Variants in UGT2A1 observed in about 807,000 individuals in gnomAD.
The protein encoded by UGT2A1 is UDP-glucuronosyltransferase 2A1.
Under a neutral mutation model 45.4 loss-of-function variants are expected in UGT2A1, and 61 were observed. The ratio of observed to expected loss-of-function variants is 1.34; its 90% CI spans 1.09 to 1.66. The LOEUF is 1.66. UGT2A1 is among the 40% of genes most tolerant of loss of function. The pLI, the probability that UGT2A1 is intolerant of heterozygous loss-of-function variation, is 0.00. For missense variants in UGT2A1, 649 were observed against 574.3 expected (o/e 1.13, Z -1.33); for synonymous variants, 229 against 196.2 (o/e 1.17, Z -1.40).
intron 4 of UGT2A1, among the ~76,000 whole-genome samples, chr4:69,599,009 A>G (rs971654303): frequency 3.9e-5 from 6 of 152,098 alleles, no homozygotes; most frequent in Non-Finnish European, 7.4e-5. Context: ...AGGTGTAGAC[A>G]CACTGATATT....
In UGT2A1 at chr4:69,599,694, AAAGAGAGAGAGAGAGG is replaced by A. The variant is rs1361802865; in HGVS notation, c.848-316_848-301del. The A allele has an allele frequency of 2.5e-4, 51 of 200,538 alleles. No individual in the cohort carries two copies. In the East Asian group the frequency reaches 4.5e-3, roughly 18 times the overall value. The allele number at this position is 200,538 out of a possible 1,614,324, so 12.4% of individuals were successfully genotyped here. On this transcript the variant is annotated intron_variant, in intron 3 of 6. Transcript: ENST00000286604. Reference sequence around the variant, plus strand: ...AGGGAAGAAAGAGGTAGAAATAAAGAAAGAGAGAGAGAGAGGAAGAGAGAGAGATGGAGAAAAGGAG... The same window carrying A: ...AGGGAAGAAAGAGGTAGAAATAAAGAAAGAGAGAGAGATGGAGAAAAGGAG...
intron 1 of UGT2A1, among the ~76,000 whole-genome samples, chr4:69,652,297 T>C (rs1199089930): frequency 6.6e-6 from 1 of 151,164 alleles, no homozygotes; most frequent in African/African-American, 2.4e-5. Context: ...TTTTTTTTTT[T>C]TTTGAGACCA....
At chr4:69,607,969 G>C (rs1455419072) in intron 3 of UGT2A1, among the ~76,000 whole-genome samples, 2 of 152,320 alleles carry the variant, frequency 1.3e-5, no homozygotes, top group Admixed American at 1.3e-4. Flanking sequence ...TACACTGTTG[G>C]TGGGACTGTA....
chr4:69,622,289 A>G (rs1453863434), intron 3 of UGT2A1, among the ~76,000 whole-genome samples: 1 of 151,878 alleles, frequency 6.6e-6, no homozygotes, highest in Non-Finnish European at 1.5e-5. Flanking sequence ...ATAATGTATA[A>G]CACCACAAAG....
At chr4:69,625,896 T>C (rs10013528) in intron 3 of UGT2A1, among the ~76,000 whole-genome samples, 53,122 of 151,212 alleles carry the variant, frequency 0.35, 9,691 homozygotes, top group African/African-American at 0.43. Flanking sequence ...GATACAAGTA[T>C]AAAATGTAAC....
At chr4:69,640,686 A>G (rs1722004524) in intron 2 of UGT2A1, among the ~76,000 whole-genome samples, 1 of 151,988 alleles carries the variant, frequency 6.6e-6, no homozygotes, top group African/African-American at 2.4e-5. Context: ...ATTGCCCTTA[A>G]ATTATGTAAT....
At chr4:69,595,547 A>C (rs1275543135) in intron 4 of UGT2A1, among the ~76,000 whole-genome samples, 1 of 152,182 alleles carries the variant, frequency 6.6e-6, no homozygotes, top group African/African-American at 2.4e-5. Flanking sequence ...AATCAATCAC[A>C]ACATGAAGGG....
rs1718429796 is a variant in UGT2A1 at position 69,589,133 on chromosome 4, G to A, written c.*239C>T. 2 of 367,154 alleles carry A rather than the reference G, an allele frequency of 5.4e-6. No homozygotes were observed. The highest frequency in any genetic ancestry group is 9.4e-6 in the Non-Finnish European group (2 of 212,778). The allele number at this position is 367,154 out of a possible 1,614,324, so 22.7% of individuals were successfully genotyped here. A position where few individuals can be genotyped will look rare whatever the true frequency, so the allele number is the denominator to read the frequency against. On this transcript the variant is annotated 3_prime_UTR_variant, in exon 7 of 7. Transcript: ENST00000286604. ...TTGTGTCAGAAAAGTGACAGGAAGA[G>A]GGTATAGTCAGCAGGGAGAGACAAA... is the stretch of plus-strand genomic sequence containing the variant.
At position 69,606,023 on chromosome 4, in the gene UGT2A1, A is replaced by C. The variant is rs541503356; in HGVS notation, c.848-6629T>G. 5.3e-4 allele frequency among the ~76,000 whole-genome samples: 73 copies of C among 137,074 alleles called. 16 individuals are homozygous for C. Among genetic ancestry groups the C allele is most frequent in the Admixed American group, 1.3e-3 (18 of 13,930 alleles). The allele number at this position is 137,074 out of a possible 152,430, so 89.9% of individuals were successfully genotyped here. ...GGAGGAGCTGGTACCATTCCTTCTG[A>C]AACTATTCCAAGCAATAGAAAAAGA... On this transcript the variant is annotated intron_variant, in intron 3 of 6. Transcript: ENST00000286604.
intron 3 of UGT2A1, among the ~76,000 whole-genome samples, chr4:69,607,311 A>C (rs1490967745): frequency 6.6e-6 from 1 of 151,454 alleles, no homozygotes; most frequent in East Asian, 1.9e-4. Flanking sequence ...AAAAACAAGA[A>C]ATGGGGAAAT....
At chr4:69,636,473 G>A (rs1460738269) in intron 2 of UGT2A1, among the ~76,000 whole-genome samples, 1 of 152,032 alleles carries the variant, frequency 6.6e-6, no homozygotes, top group Non-Finnish European at 1.5e-5. Context: ...GAAGCATAAA[G>A]GTTTTAAGTA....
At chr4:69,620,038 G>C (rs980769372) in intron 3 of UGT2A1, among the ~76,000 whole-genome samples, 11 of 151,962 alleles carry the variant, frequency 7.2e-5, no homozygotes, top group African/African-American at 2.7e-4. Context: ...ATACTGAATG[G>C]GGAAAAGCTG....
In UGT2A1 at chr4:69,604,748, A is replaced by G. The variant is rs184182887; in HGVS notation, c.848-5354T>C. Among the ~76,000 whole-genome samples, 3 of 136,666 alleles carry G rather than the reference A, an allele frequency of 2.2e-5. 1 individual carries two copies. Among genetic ancestry groups the G allele is most frequent in the Admixed American group, 2.2e-4 (3 of 13,882 alleles). 89.7% of individuals were successfully genotyped at this position (136,666 alleles called of 152,430 possible). ...AAGATCTACCAAGCAAATGGAAAACAAAAAAAGGCAGGGGTTGCAATCCTA... is the reference window on the plus strand; with the variant it reads ...AAGATCTACCAAGCAAATGGAAAACGAAAAAAGGCAGGGGTTGCAATCCTA... On this transcript the variant is annotated intron_variant, in intron 3 of 6. Transcript: ENST00000286604.
At chr4:69,628,949 G>A (rs1372211436) in intron 3 of UGT2A1, among the ~76,000 whole-genome samples, 4 of 151,434 alleles carry the variant, frequency 2.6e-5, no homozygotes, top group Non-Finnish European at 5.9e-5. Flanking sequence ...AGTCTCAAAG[G>A]GGATTCATTG....
chr4:69,594,498 C>G lies in UGT2A1; in HGVS notation c.1283G>C (p.Arg428Thr). 2 of 1,614,122 alleles carry G rather than the reference C, an allele frequency of 1.2e-6. No individual in the cohort carries two copies. The highest frequency in any genetic ancestry group is 1.7e-6 in the Non-Finnish European group (2 of 1,180,016). ...TTACGAAGGTTCATTAATGACTGTT[C>G]TCAAAGCGCTAAGCAAATCCACACT... ...MTSVDLLSAL[R>T]TVINEPSYKE... Residue 428 changes from arginine to threonine, a missense_variant, in exon 6 of 7, where the codon AGA (arginine) becomes ACA (threonine). Arg to Thr is a moderately conservative substitution (Grantham distance 71, BLOSUM62 -1). Coordinates refer to ENST00000286604, the MANE Select transcript of UGT2A1 (RefSeq NM_001252275.3).
chr4:69,595,319 T>G, intron 4 of UGT2A1, 70 bp from the exon 5 acceptor site: 1 of 1,556,108 alleles, frequency 6.4e-7, no homozygotes, highest in African/African-American at 1.4e-5. Flanking sequence ...GGAGAATTAT[T>G]TAGAAATCAT....
At chr4:69,643,367 G>A (rs1722125702) in intron 2 of UGT2A1, among the ~76,000 whole-genome samples, 1 of 151,426 alleles carries the variant, frequency 6.6e-6, no homozygotes, top group African/African-American at 2.4e-5. Context: ...CTAGAACAAG[G>A]AAATATGACA....
intron 2 of UGT2A1, among the ~76,000 whole-genome samples, chr4:69,640,763 T>C (rs1485382052): frequency 1.3e-5 from 2 of 151,924 alleles, no homozygotes; most frequent in African/African-American, 2.4e-5. Flanking sequence ...AGAGAAGTGA[T>C]GGTTTTAGAA....
intron 1 of UGT2A1, among the ~76,000 whole-genome samples, chr4:69,651,784 A>G (rs1722536129): frequency 6.6e-6 from 1 of 152,206 alleles, no homozygotes; most frequent in Admixed American, 6.5e-5. Context: ...GTGACCATCC[A>G]AGGACACTTT....
Sources: allele counts gnomAD v4.1 joint callset (sites outside exome capture counted in the v4.1 genomes callset), GRCh38; gene constraint gnomAD v4.1.1; transcripts MANE v1.5; gene names NCBI Gene and HGNC (gene_info 2026-07-23, HGNC 2026-07-21).